Variants in QTMAN observed in about 807,000 individuals in gnomAD.
QTMAN encodes the protein tRNA-queuosine alpha-mannosyltransferase.
At chr2:143,968,587 T>C in the QTMAN span, among the ~76,000 whole-genome samples, 1 of 152,160 alleles carries the variant, frequency 6.6e-6, no homozygotes, top group African/African-American at 2.4e-5. Flanking sequence ...CGAGTCTTCT[T>C]TGTAGTGGTG....
chr2:144,007,571 G>T, the QTMAN span: 3 of 1,372,504 alleles, frequency 2.2e-6, no homozygotes, highest in Non-Finnish European at 2.9e-6. Context: ...ACTTTTAGTG[G>T]AAAAAAATAT....
chr2:143,995,990 C>G, the QTMAN span, among the ~76,000 whole-genome samples: 1 of 152,122 alleles, frequency 6.6e-6, no homozygotes, highest in African/African-American at 2.4e-5. Context: ...CAAAATATAT[C>G]CTGACCACTT....
At chr2:144,038,488 G>A in the QTMAN span, among the ~76,000 whole-genome samples, 1 of 152,120 alleles carries the variant, frequency 6.6e-6, no homozygotes, top group African/African-American at 2.4e-5. Context: ...AACAAATGTG[G>A]TTTCCTTTTA....
chr2:144,129,158 T>C, the QTMAN span, among the ~76,000 whole-genome samples: 3 of 152,056 alleles, frequency 2.0e-5, no homozygotes, highest in Admixed American at 2.0e-4. Context: ...TAGACCCATC[T>C]TTTACTCATA....
At chr2:144,118,617 C>T in the QTMAN span, among the ~76,000 whole-genome samples, 1 of 152,180 alleles carries the variant, frequency 6.6e-6, no homozygotes, top group East Asian at 1.9e-4. Context: ...GGCGCAGTGG[C>T]TCACGCCTGT....
At chr2:144,233,670 T>C in the QTMAN span, among the ~76,000 whole-genome samples, 1 of 152,292 alleles carries the variant, frequency 6.6e-6, no homozygotes, top group Non-Finnish European at 1.5e-5. Context: ...TTGATGCACA[T>C]AGAGAACAAA....
chr2:144,157,800 T>C, the QTMAN span, among the ~76,000 whole-genome samples: 372 of 151,834 alleles, frequency 2.5e-3, 1 homozygote, highest in African/African-American at 8.6e-3. Context: ...TATATATGTA[T>C]GGTGTATATA....
chr2:144,252,787 C>T, the QTMAN span, among the ~76,000 whole-genome samples: 1 of 152,050 alleles, frequency 6.6e-6, no homozygotes, highest in Non-Finnish European at 1.5e-5. Context: ...CATGCAAAAA[C>T]CTGCATGCAA....
At chr2:144,007,495 G>C in the QTMAN span, 1 of 1,605,890 alleles carries the variant, frequency 6.2e-7, no homozygotes, top group Admixed American at 1.7e-5. Context: ...TTAAGGCCGA[G>C]CATCTTCTTT....
the QTMAN span, among the ~76,000 whole-genome samples, chr2:144,288,493 T>C: frequency 1.3e-5 from 2 of 152,118 alleles, no homozygotes; most frequent in Admixed American, 6.5e-5. Flanking sequence ...AAATAAACAG[T>C]TGAAAACACT....
At chr2:144,052,826 T>C in the QTMAN span, among the ~76,000 whole-genome samples, 1 of 152,172 alleles carries the variant, frequency 6.6e-6, no homozygotes, top group Admixed American at 6.5e-5. Context: ...TAATTTTATA[T>C]TTTTAGTAGA....
chr2:143,949,551 A>T, the QTMAN span, among the ~76,000 whole-genome samples: 8 of 151,984 alleles, frequency 5.3e-5, no homozygotes, highest in Non-Finnish European at 8.8e-5. Flanking sequence ...GGAACAAATT[A>T]AAGAATTCAG....
the QTMAN span, among the ~76,000 whole-genome samples, chr2:144,114,775 C>T: frequency 0.044 from 6,734 of 152,176 alleles, 501 homozygotes; most frequent in African/African-American, 0.15. Context: ...TATTGTATAA[C>T]GGACTTGTTA....
chr2:144,013,220 A>T, the QTMAN span, among the ~76,000 whole-genome samples: 1 of 152,174 alleles, frequency 6.6e-6, no homozygotes, highest in Non-Finnish European at 1.5e-5. Flanking sequence ...TTCAGTAAGT[A>T]CCTATTGAGT....
the QTMAN span, among the ~76,000 whole-genome samples, chr2:144,263,789 A>T: frequency 6.6e-6 from 1 of 152,158 alleles, no homozygotes; most frequent in Non-Finnish European, 1.5e-5. Context: ...ATTTTATTCT[A>T]TTGTCTTAAG....
the QTMAN span, among the ~76,000 whole-genome samples, chr2:144,119,925 T>C: frequency 6.6e-6 from 1 of 152,064 alleles, no homozygotes; most frequent in Admixed American, 6.5e-5. Context: ...AGTGTTAAAA[T>C]ATAAAATTAA....
the QTMAN span, among the ~76,000 whole-genome samples, chr2:143,949,303 TTC>T: frequency 6.6e-6 from 1 of 152,028 alleles, no homozygotes; most frequent in African/African-American, 2.4e-5. Flanking sequence ...CTTACTAGCA[TTC>T]TGTTTCAAAT....
At chr2:144,266,133 G>C in the QTMAN span, among the ~76,000 whole-genome samples, 1 of 152,220 alleles carries the variant, frequency 6.6e-6, no homozygotes, top group South Asian at 2.1e-4. Flanking sequence ...ATTGTGAGAA[G>C]AGAACAAGGT....
At chr2:144,192,508 G>A in the QTMAN span, among the ~76,000 whole-genome samples, 1 of 152,012 alleles carries the variant, frequency 6.6e-6, no homozygotes, top group Non-Finnish European at 1.5e-5. Flanking sequence ...GCAACAAGTT[G>A]GTCAAATATA....
Sources: gnomAD v4.1 joint callset for allele counts (sites outside exome capture counted in the v4.1 genomes callset) on GRCh38, gnomAD v4.1.1 for gene constraint, MANE v1.5 for transcripts, NCBI Gene and HGNC (gene_info 2026-07-23, HGNC 2026-07-21) for gene names.